Variants in NLGN1 observed in about 807,000 individuals in gnomAD.
NLGN1 encodes the protein neuroligin 1.
A neutral mutation model predicts 65.5 loss-of-function variants in NLGN1; 12 were observed. That is an observed-to-expected ratio of 0.18 (90% CI 0.12 to 0.30). The LOEUF (loss-of-function observed/expected upper bound fraction) is 0.30. Ranked by LOEUF, NLGN1 falls within the 10% of genes least tolerant of loss-of-function variation. The pLI, the probability that NLGN1 is intolerant of heterozygous loss-of-function variation, is 1.00. For missense variants in NLGN1, 750 were observed against 1,007.1 expected (o/e 0.74, Z 3.46); for synonymous variants, 350 against 359.5 (o/e 0.97, Z 0.30).
intron 2 of NLGN1, among the ~76,000 whole-genome samples, chr3:173,533,227 T>G (rs1736883693): frequency 6.6e-6 from 1 of 152,224 alleles, no homozygotes; most frequent in Non-Finnish European, 1.5e-5. Context: ...TAAATCTGTA[T>G]TAGAAAATTT....
intron 3 of NLGN1, among the ~76,000 whole-genome samples, chr3:173,711,876 C>A (rs1005230063): frequency 6.6e-6 from 1 of 152,148 alleles, no homozygotes; most frequent in Non-Finnish European, 1.5e-5. Context: ...CAGCTCTTTA[C>A]GCTTTCCCAG....
chr3:173,611,297 T>C (rs902021119), intron 3 of NLGN1, among the ~76,000 whole-genome samples: 2 of 151,988 alleles, frequency 1.3e-5, no homozygotes, highest in East Asian at 3.9e-4. Flanking sequence ...GATGTAGAAA[T>C]GGAGGAACAA....
chr3:173,674,211 TG>T (rs1762825752), intron 3 of NLGN1, among the ~76,000 whole-genome samples: 1 of 152,172 alleles, frequency 6.6e-6, no homozygotes, highest in Non-Finnish European at 1.5e-5. Flanking sequence ...TACACAAAAT[TG>T]TAGACTTTTG....
intron 5 of NLGN1, among the ~76,000 whole-genome samples, chr3:174,275,997 CTTG>C (rs1394655827): frequency 6.6e-6 from 1 of 151,846 alleles, no homozygotes; most frequent in African/African-American, 2.4e-5. Flanking sequence ...TGTGATTTCA[CTTG>C]TTGTCTGAGT....
At chr3:174,263,648 CTG>C (rs1279487782) in intron 4 of NLGN1, among the ~76,000 whole-genome samples, 3 of 151,930 alleles carry the variant, frequency 2.0e-5, no homozygotes, top group Non-Finnish European at 2.9e-5. Context: ...ATTTGCCAGT[CTG>C]TGTCTTTTAA....
chr3:173,525,617 T>G (rs1408904582), intron 2 of NLGN1, among the ~76,000 whole-genome samples: 1 of 152,092 alleles, frequency 6.6e-6, no homozygotes, highest in African/African-American at 2.4e-5. Context: ...CTGATCCTTG[T>G]TATTTCTTTT....
At chr3:173,417,454 A>T (rs1432415189) in intron 1 of NLGN1, among the ~76,000 whole-genome samples, 1 of 151,934 alleles carries the variant, frequency 6.6e-6, no homozygotes, top group Non-Finnish European at 1.5e-5. Context: ...TTGCTTAATT[A>T]TCTGAATCAT....
intron 4 of NLGN1, among the ~76,000 whole-genome samples, chr3:173,970,545 A>G (rs1715998738): frequency 6.6e-6 from 1 of 152,108 alleles, no homozygotes; most frequent in African/African-American, 2.4e-5. Flanking sequence ...CTTACAATAA[A>G]AAAAAAAGTT....
intron 4 of NLGN1, among the ~76,000 whole-genome samples, chr3:174,040,701 CCT>C (rs1311791370): frequency 6.6e-6 from 1 of 151,774 alleles, no homozygotes; most frequent in African/African-American, 2.4e-5. Context: ...TTACAGTTTT[CCT>C]CTTTTAGAAA....
chr3:173,971,275 T>C (rs1716176604), intron 4 of NLGN1, among the ~76,000 whole-genome samples: 1 of 152,052 alleles, frequency 6.6e-6, no homozygotes, highest in African/African-American at 2.4e-5. Context: ...ATGTCGGTTG[T>C]GATAATGCTA....
chr3:173,723,512 GAA>G (rs1164664414), intron 3 of NLGN1, among the ~76,000 whole-genome samples: 1 of 152,066 alleles, frequency 6.6e-6, no homozygotes, highest in African/African-American at 2.4e-5. Flanking sequence ...GAAACTTACT[GAA>G]GATATTAAAT....
intron 4 of NLGN1, among the ~76,000 whole-genome samples, chr3:173,977,310 A>G (rs920471909): frequency 7.2e-5 from 11 of 151,896 alleles, no homozygotes; most frequent in Admixed American, 7.2e-4. Flanking sequence ...AGGGGGAAAC[A>G]TGTCTTAAAT....
intron 1 of NLGN1, among the ~76,000 whole-genome samples, chr3:173,428,709 T>C (rs1716613587): frequency 6.6e-6 from 1 of 152,118 alleles, no homozygotes. Flanking sequence ...GTATTCTGCA[T>C]TTGTATTTGT....
At chr3:173,716,944 A>G (rs901575864) in intron 3 of NLGN1, among the ~76,000 whole-genome samples, 6 of 152,176 alleles carry the variant, frequency 3.9e-5, no homozygotes, top group Admixed American at 1.3e-4. Flanking sequence ...ACATTAATCA[A>G]TGAAACTATA....
chr3:173,786,488 A>G (rs1395951240), intron 3 of NLGN1, among the ~76,000 whole-genome samples: 1 of 152,148 alleles, frequency 6.6e-6, no homozygotes, highest in Non-Finnish European at 1.5e-5. Flanking sequence ...TTCTTTCTCA[A>G]TGGAAAGTTA....
chr3:173,851,881 A>C (rs986902029), intron 4 of NLGN1, among the ~76,000 whole-genome samples: 1 of 152,230 alleles, frequency 6.6e-6, no homozygotes, highest in Admixed American at 6.5e-5. Context: ...TTATATTCTA[A>C]GAGTCTTATT....
At chr3:173,462,471 A>G (rs1206966989) in intron 2 of NLGN1, among the ~76,000 whole-genome samples, 1 of 152,068 alleles carries the variant, frequency 6.6e-6, no homozygotes, top group Admixed American at 6.6e-5. Context: ...ATGTCCCTTA[A>G]AGTTTAATTC....
At chr3:173,908,587 C>G (rs1738922142) in intron 4 of NLGN1, among the ~76,000 whole-genome samples, 1 of 146,526 alleles carries the variant, frequency 6.8e-6, no homozygotes, top group South Asian at 2.1e-4. Context: ...TATAACAGCA[C>G]CTAGTTTTAA....
chr3:173,658,025 C>T (rs1261206831), intron 3 of NLGN1, among the ~76,000 whole-genome samples: 1 of 151,758 alleles, frequency 6.6e-6, no homozygotes, highest in Non-Finnish European at 1.5e-5. Context: ...GTTTTAGGAA[C>T]CCTATCAATA....
Sources: allele counts gnomAD v4.1 joint callset (sites outside exome capture counted in the v4.1 genomes callset), GRCh38; gene constraint gnomAD v4.1.1; transcripts MANE v1.5; gene names NCBI Gene and HGNC (gene_info 2026-07-23, HGNC 2026-07-21).